CCDC90B: variants seen among roughly 807,000 people sequenced by gnomAD.
CCDC90B encodes coiled-coil domain containing 90B, also known as coiled-coil domain-containing protein 90B, mitochondrial.
A neutral mutation model predicts 37.0 loss-of-function variants in CCDC90B; 24 were observed. The ratio of observed to expected loss-of-function variants is 0.65; its 90% CI spans 0.47 to 0.91. The LOEUF (loss-of-function observed/expected upper bound fraction) is 0.91. CCDC90B is among the 40% of genes least tolerant of loss of function. CCDC90B has a pLI of 0.00. For missense variants in CCDC90B, 319 were observed against 299.0 expected (o/e 1.07, Z -0.49); for synonymous variants, 113 against 101.1 (o/e 1.12, Z -0.71).
intron 1 of CCDC90B, among the ~76,000 whole-genome samples, chr11:83,282,614 A>G (rs1865455898): frequency 6.6e-6 from 1 of 152,066 alleles, no homozygotes; most frequent in South Asian, 2.1e-4. Context: ...TAATTCCACA[A>G]ACATGCCATG....
intron 7 of CCDC90B, among the ~76,000 whole-genome samples, chr11:83,270,721 GCCATCC>G (rs1313010476): frequency 6.6e-6 from 1 of 152,088 alleles, no homozygotes; most frequent in Non-Finnish European, 1.5e-5. Flanking sequence ...TGGCCATACT[GCCATCC>G]CCATCAAGCT....
At position 83,286,167 on chromosome 11, in the gene CCDC90B, G is replaced by A. The variant is rs750506442; in HGVS notation, c.-195C>T. ...CTTCACAGACAGACCCACAGTTCGC[G>A]AGCATGGCTCAGCGCTGCCCCGCTT... is the stretch of plus-strand genomic sequence containing the variant. On this transcript the variant is annotated 5_prime_UTR_variant, in exon 1 of 9. Transcript: ENST00000529689. 83 of 1,535,978 alleles carry A rather than the reference G, an allele frequency of 5.4e-5. No homozygotes were observed. Among genetic ancestry groups the A allele is most frequent in the Non-Finnish European group, 6.2e-5 (71 of 1,146,882 alleles).
chr11:83,268,515 C>T (rs1864438830), intron 7 of CCDC90B, among the ~76,000 whole-genome samples: 1 of 151,604 alleles, frequency 6.6e-6, no homozygotes, highest in African/African-American at 2.4e-5. Flanking sequence ...CAAAGAAGGC[C>T]ATTACATAAT....
intron 8 of CCDC90B, among the ~76,000 whole-genome samples, chr11:83,263,531 T>G (rs766034949): frequency 2.0e-5 from 3 of 152,208 alleles, no homozygotes; most frequent in Non-Finnish European, 4.4e-5. Context: ...AACATTAGCT[T>G]TCATTATTTA....
rs185831842 is a variant in CCDC90B, at chr11:83,270,481, T to C, written c.594+3166A>G. Among the ~76,000 whole-genome samples the C allele has an allele frequency of 3.2e-3, 485 of 152,262 alleles. 2 individuals are homozygous for C. The highest frequency in any genetic ancestry group is 0.011 in the African/African-American group (471 of 41,562). On this transcript the variant is annotated intron_variant, in intron 7 of 8. Coordinates refer to ENST00000529689, the MANE Select transcript of CCDC90B (RefSeq NM_021825.5). ...AGGATACAAAATCAATGTGCAAAAA[T>C]CACAAGCATTCCTATACACCATTAA... is the stretch of plus-strand genomic sequence containing the variant.
At chr11:83,280,640 A>C (rs1865330642) in intron 1 of CCDC90B, among the ~76,000 whole-genome samples, 1 of 152,242 alleles carries the variant, frequency 6.6e-6, no homozygotes, top group African/African-American at 2.4e-5. Flanking sequence ...AAGAGCTATG[A>C]AAATTTTTTA....
chr11:83,264,035 A>C (rs1341222682), intron 8 of CCDC90B, among the ~76,000 whole-genome samples: 1 of 152,114 alleles, frequency 6.6e-6, no homozygotes, highest in African/African-American at 2.4e-5. Context: ...TTTGACCCCA[A>C]ATTTTAAATG....
chr11:83,270,431 C>T (rs1004186951), intron 7 of CCDC90B, among the ~76,000 whole-genome samples: 1 of 152,150 alleles, frequency 6.6e-6, no homozygotes, highest in African/African-American at 2.4e-5. Context: ...TCTCCTTAAA[C>T]TGATAAGCAA....
Position 83,261,704 on chromosome 11 carries a change from T to C in CCDC90B, c.*207A>G, listed in dbSNP as rs1046998635. 3 of 368,676 alleles carry C rather than the reference T, an allele frequency of 8.1e-6. No individual in the cohort carries two copies. The highest frequency in any genetic ancestry group is 6.3e-5 in the African/African-American group (3 of 47,608). The allele number at this position is 368,676 out of a possible 1,614,324, so 22.8% of individuals were successfully genotyped here. A position where few individuals can be genotyped will look rare whatever the true frequency, so the allele number is the denominator to read the frequency against. Reference sequence around the variant, plus strand: ...CCAGGTCTGAGTGACAGCTTTTCAATATAATAAAGACACACACCTGCACTC... The same window carrying C: ...CCAGGTCTGAGTGACAGCTTTTCAACATAATAAAGACACACACCTGCACTC... On this transcript the variant is annotated 3_prime_UTR_variant, in exon 9 of 9. Transcript: ENST00000529689.
intron 1 of CCDC90B, among the ~76,000 whole-genome samples, chr11:83,282,797 A>C (rs1165406287): frequency 1.3e-5 from 2 of 152,186 alleles, no homozygotes; most frequent in Admixed American, 6.5e-5. Context: ...ATAGTACTGC[A>C]CAGGATTCTT....
chr11:83,285,298 G>T, intron 1 of CCDC90B: 1 of 1,254,194 alleles, frequency 8.0e-7, no homozygotes, highest in Non-Finnish European at 1.0e-6. Context: ...AATAAAGTTA[G>T]ATGTCTTCAG....
intron 8 of CCDC90B, among the ~76,000 whole-genome samples, chr11:83,265,082 C>T (rs1430369491): frequency 1.3e-5 from 2 of 152,090 alleles, no homozygotes; most frequent in African/African-American, 4.8e-5. Context: ...ACATTGTGCA[C>T]ATGACCCTAA....
Position 83,285,856 on chromosome 11 carries a change from A to C in CCDC90B, c.100+17T>G. 4.4e-6 allele frequency: 7 copies of C among 1,606,038 alleles called. No individual in the cohort carries two copies. The highest frequency in any genetic ancestry group is 5.9e-6 in the Non-Finnish European group (7 of 1,177,680). On this transcript the variant is annotated intron_variant, in intron 1 of 8. Transcript: ENST00000529689. ...TAGAGAGCACTCAGGCATCTATGAC[A>C]CGACGCCTTGCCTCACCTCTCCGCA...
rs753107609 is a variant in CCDC90B at position 83,265,935 on chromosome 11, A to C, written c.639T>G (p.Ile213Met). ...KSIISETSNK[I>M]DAEIASLKTL... ...TTTTTAAGGAAGCAATTTCAGCGTC[A>C]ATTTTATTACTGGTCTCTGAAATAA... Residue 213 changes from isoleucine to methionine, a missense_variant, in exon 8 of 9, where the codon ATT (isoleucine) becomes ATG (methionine). Ile to Met is a conservative substitution (Grantham distance 10). Coordinates refer to ENST00000529689, the MANE Select transcript of CCDC90B (RefSeq NM_021825.5). 1.2e-6 allele frequency: 2 copies of C among 1,612,166 alleles called. No individual in the cohort carries two copies. Among genetic ancestry groups the C allele is most frequent in the East Asian group, 4.5e-5 (2 of 44,840 alleles).
chr11:83,273,522 T>G (rs1864818266), intron 7 of CCDC90B, 125 bp downstream of exon 7: 1 of 640,014 alleles, frequency 1.6e-6, no homozygotes, highest in African/African-American at 1.9e-5. Flanking sequence ...ATAATAGCTA[T>G]GAGGAAGCCA....
At chr11:83,263,051 G>A (rs921338334) in intron 8 of CCDC90B, among the ~76,000 whole-genome samples, 16 of 151,970 alleles carry the variant, frequency 1.1e-4, no homozygotes, top group African/African-American at 3.9e-4. Flanking sequence ...CAGTGGAGCC[G>A]GGATTTAAGA....
chr11:83,274,616 T>C (rs375190254), intron 4 of CCDC90B, 23 bp downstream of exon 4: 46 of 1,396,550 alleles, frequency 3.3e-5, no homozygotes, highest in Non-Finnish European at 4.2e-5. Flanking sequence ...ATTTTATAAG[T>C]AATAAATTAA....
chr11:83,285,439 A>G, intron 1 of CCDC90B: 1 of 1,124,760 alleles, frequency 8.9e-7, no homozygotes, highest in Non-Finnish European at 1.1e-6. Context: ...ACGTGGCCTG[A>G]AATTTATGAT....
In CCDC90B at chr11:83,286,210, C is replaced by A. The variant is rs1389082106; in HGVS notation, c.-238G>T. On this transcript the variant is annotated 5_prime_UTR_variant, in exon 1 of 9. Coordinates refer to ENST00000529689, the MANE Select transcript of CCDC90B (RefSeq NM_021825.5). Reference sequence around the variant, plus strand: ...CCCCGCTTCTCCCAGCGCCCCTTCCCGACCTTTGAACGCCTTCACCGCCCT... The same window carrying A: ...CCCCGCTTCTCCCAGCGCCCCTTCCAGACCTTTGAACGCCTTCACCGCCCT... 1.3e-6 allele frequency: 2 copies of A among 1,530,846 alleles called. No individual in the cohort carries two copies. The highest frequency in any genetic ancestry group is 1.7e-6 in the Non-Finnish European group (2 of 1,143,088). The allele number at this position is 1,530,846 out of a possible 1,614,324, so 94.8% of individuals were successfully genotyped here. A position where few individuals can be genotyped will look rare whatever the true frequency, so the allele number is the denominator to read the frequency against.
Sources: gnomAD v4.1 joint callset for allele counts (sites outside exome capture counted in the v4.1 genomes callset) on GRCh38, gnomAD v4.1.1 for gene constraint, MANE v1.5 for transcripts, NCBI Gene and HGNC (gene_info 2026-07-23, HGNC 2026-07-21) for gene names.